The following TMEM132D variants were observed in gnomAD, a reference collection of about 807,000 sequenced individuals.
The protein encoded by TMEM132D is transmembrane protein 132D.
Under a neutral mutation model 62.3 loss-of-function variants are expected in TMEM132D, and 21 were observed. The ratio of observed to expected loss-of-function variants is 0.34; its 90% CI spans 0.24 to 0.49. The LOEUF is 0.49. Ranked by LOEUF, TMEM132D falls within the 20% of genes least tolerant of loss-of-function variation. The pLI, the probability that TMEM132D is intolerant of heterozygous loss-of-function variation, is 0.99. For missense variants in TMEM132D, 1,346 were observed against 1,402.8 expected (o/e 0.96, Z 0.65); for synonymous variants, 621 against 575.6 (o/e 1.08, Z -1.13).
intron 2 of TMEM132D, among the ~76,000 whole-genome samples, chr12:129,678,869 G>A (rs12309134): frequency 0.023 from 3,521 of 151,820 alleles, 60 homozygotes; most frequent in South Asian, 0.064. Context: ...TGTCATTTTT[G>A]AAAAATATAT....
intron 1 of TMEM132D, among the ~76,000 whole-genome samples, chr12:129,730,770 C>G (rs1172184428): frequency 1.3e-5 from 2 of 152,060 alleles, no homozygotes; most frequent in East Asian, 3.9e-4. Context: ...AAAGACTAGA[C>G]TGGCTGAGTC....
At chr12:129,861,111 A>G (rs1425044248) in intron 1 of TMEM132D, among the ~76,000 whole-genome samples, 1 of 152,200 alleles carries the variant, frequency 6.6e-6, no homozygotes, top group African/African-American at 2.4e-5. Flanking sequence ...TTTTTTATAG[A>G]ATTATACTTT....
At chr12:129,767,164 G>T (rs141694581) in intron 1 of TMEM132D, among the ~76,000 whole-genome samples, 1,872 of 152,244 alleles carry the variant, frequency 0.012, 38 homozygotes, top group African/African-American at 0.043. Flanking sequence ...TGTATCAATT[G>T]CTCCAGAAAA....
chr12:129,822,242 A>G (rs557845678), intron 1 of TMEM132D, among the ~76,000 whole-genome samples: 1 of 152,070 alleles, frequency 6.6e-6, no homozygotes, highest in South Asian at 2.1e-4. Context: ...TGGCTAGAGG[A>G]GCTGAGAGAC....
chr12:129,447,798 C>T (rs1471013773), intron 3 of TMEM132D, among the ~76,000 whole-genome samples: 1 of 152,118 alleles, frequency 6.6e-6, no homozygotes, highest in Non-Finnish European at 1.5e-5. Context: ...GAAACAGCAT[C>T]AGGTTCAGGA....
chr12:129,271,597 T>C (rs1268226586), intron 4 of TMEM132D, among the ~76,000 whole-genome samples: 1 of 151,612 alleles, frequency 6.6e-6, no homozygotes, highest in Non-Finnish European at 1.5e-5. Context: ...TGTATGATGT[T>C]CCCCTCCCTG....
intron 3 of TMEM132D, among the ~76,000 whole-genome samples, chr12:129,423,676 A>G (rs928941115): frequency 2.6e-5 from 4 of 152,172 alleles, no homozygotes; most frequent in African/African-American, 9.7e-5. Flanking sequence ...CATGAGTAGA[A>G]GAGCTAGTAT....
intron 1 of TMEM132D, among the ~76,000 whole-genome samples, chr12:129,894,585 T>A (rs2137396605): frequency 6.6e-6 from 1 of 152,328 alleles, no homozygotes; most frequent in Middle Eastern, 3.4e-3. Flanking sequence ...GTCCTGATGG[T>A]GTGGAGTCAG....
At chr12:129,782,159 T>A (rs1871137720) in intron 1 of TMEM132D, among the ~76,000 whole-genome samples, 1 of 152,198 alleles carries the variant, frequency 6.6e-6, no homozygotes, top group South Asian at 2.1e-4. Flanking sequence ...TATGGAATAT[T>A]TGCATCACAC....
At chr12:129,501,497 A>AT (rs201621163) in intron 3 of TMEM132D, among the ~76,000 whole-genome samples, 1,549 of 152,180 alleles carry the variant, frequency 0.01, 10 homozygotes, top group Non-Finnish European at 0.016. Context: ...TTAACAGCAG[A>AT]TTTTTTTAAT....
At chr12:129,566,352 A>G (rs155701) in intron 2 of TMEM132D, among the ~76,000 whole-genome samples, 85,783 of 151,888 alleles carry the variant, frequency 0.56, 24,947 homozygotes, top group East Asian at 0.91. Flanking sequence ...ATTCTAAGCC[A>G]TCTAACCAAC....
At chr12:129,262,942 C>T (rs1880589761) in intron 4 of TMEM132D, 1 of 152,250 alleles carries the variant, frequency 6.6e-6, no homozygotes, top group Non-Finnish European at 1.5e-5. Flanking sequence ...CAACGGCACC[C>T]TTGGTCTCTG....
intron 5 of TMEM132D, among the ~76,000 whole-genome samples, chr12:129,182,261 G>T (rs1057141857): frequency 1.3e-5 from 2 of 152,212 alleles, no homozygotes; most frequent in African/African-American, 2.4e-5. Context: ...CTACTTGGGA[G>T]ACTGAGGCAG....
chr12:129,233,129 G>A (rs989710933), intron 4 of TMEM132D, among the ~76,000 whole-genome samples: 15 of 152,160 alleles, frequency 9.9e-5, no homozygotes, highest in African/African-American at 2.9e-4. Context: ...ATATGTATAA[G>A]TAAATGCATA....
intron 2 of TMEM132D, among the ~76,000 whole-genome samples, chr12:129,674,328 G>C (rs1002510756): frequency 3.3e-5 from 5 of 152,088 alleles, no homozygotes; most frequent in African/African-American, 1.2e-4. Flanking sequence ...CTTAAAATGT[G>C]GCTCTTCATG....
intron 3 of TMEM132D, among the ~76,000 whole-genome samples, chr12:129,362,109 G>A (rs961660899): frequency 4.6e-5 from 7 of 152,096 alleles, no homozygotes; most frequent in African/African-American, 1.4e-4. Context: ...TCTTGTTTAC[G>A]ATAAAATACC....
intron 4 of TMEM132D, among the ~76,000 whole-genome samples, chr12:129,295,253 G>A (rs1881543393): frequency 6.6e-6 from 1 of 151,990 alleles, no homozygotes; most frequent in South Asian, 2.1e-4. Context: ...GAACACTGCT[G>A]GCTAGACGCT....
intron 5 of TMEM132D, among the ~76,000 whole-genome samples, chr12:129,102,776 A>T (rs1466884932): frequency 6.6e-6 from 1 of 152,330 alleles, no homozygotes; most frequent in African/African-American, 2.4e-5. Context: ...TCGACCCTGA[A>T]CCAGCTGCAA....
intron 3 of TMEM132D, among the ~76,000 whole-genome samples, chr12:129,497,863 G>A (rs1275550473): frequency 6.6e-6 from 1 of 152,030 alleles, no homozygotes; most frequent in East Asian, 1.9e-4. Flanking sequence ...GTTTCACCAT[G>A]TTGCCCAGGC....
Sources: allele counts gnomAD v4.1 joint callset (sites outside exome capture counted in the v4.1 genomes callset), GRCh38; gene constraint gnomAD v4.1.1; transcripts MANE v1.5; gene names NCBI Gene and HGNC (gene_info 2026-07-23, HGNC 2026-07-21).